The following UHRF2 variants were observed in gnomAD, a reference collection of about 807,000 sequenced individuals.
The protein encoded by UHRF2 is E3 ubiquitin-protein ligase UHRF2.
UHRF2 carries 23 observed loss-of-function variants against 96.8 expected under a neutral mutation model. The ratio of observed to expected loss-of-function variants is 0.24; its 90% CI spans 0.17 to 0.34. UHRF2 has a LOEUF of 0.34. Among genes scored for constraint, UHRF2 ranks in the 10% least tolerant of loss-of-function variants. The probability of loss-of-function intolerance (pLI) is 1.00; values close to 1 mark genes in which losing one functional copy is unlikely to be tolerated. For missense variants in UHRF2, 685 were observed against 981.5 expected (o/e 0.70, Z 4.04); for synonymous variants, 385 against 332.6 (o/e 1.16, Z -1.72).
At chr9:6,485,138 C>T (rs549452398) in intron 8 of UHRF2, among the ~76,000 whole-genome samples, 1 of 152,094 alleles carries the variant, frequency 6.6e-6, no homozygotes, top group African/African-American at 2.4e-5. Flanking sequence ...GTTTAATACT[C>T]TCTGTGTTCT....
chr9:6,428,683 G>A (rs1309046831), intron 2 of UHRF2, among the ~76,000 whole-genome samples: 1 of 151,460 alleles, frequency 6.6e-6, no homozygotes, highest in Admixed American at 6.6e-5. Context: ...CTGAGTAACC[G>A]GGACTACAGG....
chr9:6,503,266 G>A (rs1428163228), intron 14 of UHRF2, among the ~76,000 whole-genome samples: 2 of 152,132 alleles, frequency 1.3e-5, no homozygotes, highest in African/African-American at 4.8e-5. Flanking sequence ...AGAGTACTGG[G>A]ATTACATGTG....
At chr9:6,458,486 C>T (rs1282983499) in intron 3 of UHRF2, among the ~76,000 whole-genome samples, 4 of 150,222 alleles carry the variant, frequency 2.7e-5, no homozygotes, top group Admixed American at 2.7e-4. Context: ...TTTCATCTCT[C>T]TATCTCCTTC....
At chr9:6,423,169 A>G (rs1820035636) in intron 2 of UHRF2, among the ~76,000 whole-genome samples, 1 of 152,240 alleles carries the variant, frequency 6.6e-6, no homozygotes, top group Non-Finnish European at 1.5e-5. Flanking sequence ...ACAGATCTAC[A>G]TATGTATATA....
At chr9:6,444,621 G>A (rs1821377707) in intron 3 of UHRF2, among the ~76,000 whole-genome samples, 2 of 151,950 alleles carry the variant, frequency 1.3e-5, no homozygotes. Context: ...TTTTGGTTTA[G>A]ACTGAGTCTT....
At chr9:6,460,166 T>C (rs1822443766) in intron 3 of UHRF2, among the ~76,000 whole-genome samples, 1 of 152,228 alleles carries the variant, frequency 6.6e-6, no homozygotes. Context: ...AGTCTCCCAT[T>C]GCGAATATCT....
At chr9:6,504,713 CTT>C in intron 15 of UHRF2, 22 bp downstream of exon 15, 1 of 1,588,248 alleles carries the variant, frequency 6.3e-7, no homozygotes, top group Non-Finnish European at 8.6e-7. Flanking sequence ...TCCTTCCTCA[CTT>C]TCCCTGTTAG....
At chr9:6,417,604 G>A (rs558661254) in intron 1 of UHRF2, among the ~76,000 whole-genome samples, 1 of 152,136 alleles carries the variant, frequency 6.6e-6, no homozygotes, top group Non-Finnish European at 1.5e-5. Flanking sequence ...TTGTTATTGC[G>A]GTAGATAAAT....
At chr9:6,497,635 G>C (rs1486632626) in intron 11 of UHRF2, among the ~76,000 whole-genome samples, 4 of 151,840 alleles carry the variant, frequency 2.6e-5, no homozygotes, top group Non-Finnish European at 5.9e-5. Context: ...TAAGTAACTG[G>C]CTGTTGTATA....
At chr9:6,461,095 G>A (rs924038885) in intron 4 of UHRF2, among the ~76,000 whole-genome samples, 3 of 152,128 alleles carry the variant, frequency 2.0e-5, no homozygotes, top group African/African-American at 7.2e-5. Flanking sequence ...ATATATAAAA[G>A]CATTTTAATA....
At chr9:6,449,856 A>G (rs918535719) in intron 3 of UHRF2, among the ~76,000 whole-genome samples, 10 of 152,168 alleles carry the variant, frequency 6.6e-5, no homozygotes, top group Non-Finnish European at 1.3e-4. Flanking sequence ...GTGTTGTCAC[A>G]GTTGGTTGTT....
At chr9:6,438,750 A>T (rs1053792207) in intron 3 of UHRF2, among the ~76,000 whole-genome samples, 1 of 152,214 alleles carries the variant, frequency 6.6e-6, no homozygotes, top group Non-Finnish European at 1.5e-5. Context: ...TATCTAATAG[A>T]TTACTAGACC....
chr9:6,458,103 C>T (rs1822296304), intron 3 of UHRF2, among the ~76,000 whole-genome samples: 1 of 152,144 alleles, frequency 6.6e-6, no homozygotes, highest in Admixed American at 6.5e-5. Flanking sequence ...CTCTTTGTAC[C>T]TCTGGTAGAA....
intron 9 of UHRF2, among the ~76,000 whole-genome samples, chr9:6,487,208 G>C (rs1419050151): frequency 1.4e-4 from 1 of 7,312 alleles, no homozygotes; most frequent in Non-Finnish European, 3.1e-4. Flanking sequence ...TTTTTTTTTT[G>C]AGATGGAGTC....
At chr9:6,469,080 A>G (rs1020275162) in intron 4 of UHRF2, among the ~76,000 whole-genome samples, 2 of 152,250 alleles carry the variant, frequency 1.3e-5, no homozygotes, top group African/African-American at 2.4e-5. Context: ...TGATAATTCA[A>G]GTTATCAGAG....
intron 2 of UHRF2, among the ~76,000 whole-genome samples, chr9:6,428,526 G>A (rs1368505610): frequency 1.0e-5 from 1 of 95,804 alleles, no homozygotes; most frequent in East Asian, 3.5e-4. Flanking sequence ...GAACCATATT[G>A]CTTTTGCTTT....
intron 3 of UHRF2, among the ~76,000 whole-genome samples, chr9:6,440,652 G>GTTGTT (rs1230525731): frequency 1.3e-5 from 2 of 152,156 alleles, no homozygotes; most frequent in African/African-American, 4.8e-5. Flanking sequence ...CAACAACTTA[G>GTTGTT]GGTATCCTGC....
chr9:6,500,566 G>T lies in UHRF2; in HGVS notation c.2020G>T (p.Ala674Ser). The T allele has an allele frequency of 6.2e-7, 1 of 1,611,404 alleles. No individual in the cohort carries two copies. The highest frequency in any genetic ancestry group is 1.3e-5 in the African/African-American group (1 of 74,918). The change falls in exon 14 of 16, where the codon GCC becomes TCC. Residue 674 changes from alanine to serine, a missense_variant. Around this residue, in one of 6 missense-constraint regions of UHRF2, gnomAD observed 99 missense variants for 73.5 expected, o/e 1.35. Coordinates refer to ENST00000276893, the MANE Select transcript of UHRF2 (RefSeq NM_152896.3). ...AATAAATCTAGATGACTGTCCAAGT[G>T]CCTCCAAAGTGTACAAAGCATCAGA... is the stretch of plus-strand genomic sequence containing the variant. ...RPISDDDCPS[A>S]SKVYKASDSA...
Position 6,497,501 on chromosome 9 carries a change from C to T in UHRF2, c.1767+141C>T, listed in dbSNP as rs1825036235. 4.4e-6 allele frequency: 4 copies of T among 916,912 alleles called. No individual in the cohort carries two copies. In the South Asian group the frequency reaches 5.8e-5, roughly 13 times the overall value. The allele number at this position is 916,912 out of a possible 1,614,324, so 56.8% of individuals were successfully genotyped here. On this transcript the variant is annotated intron_variant, in intron 11 of 15. Transcript: ENST00000276893. ...ACTTTTTCTGGAAATTGAACAGATG[C>T]ATAAAGCAAACTCTTAACTTCAGCA...
Sources: gnomAD v4.1 joint callset for allele counts (sites outside exome capture counted in the v4.1 genomes callset) on GRCh38, gnomAD v4.1.1 for gene constraint, gnomAD v4.1.1 regional missense constraint, MANE v1.5 for transcripts, NCBI Gene and HGNC (gene_info 2026-07-23, HGNC 2026-07-21) for gene names.